The following TAF2 variants were observed in gnomAD, a reference collection of about 807,000 sequenced individuals.
The protein encoded by TAF2 is TATA-box binding protein associated factor 2.
Under a neutral mutation model 138.5 loss-of-function variants are expected in TAF2, and 61 were observed. That is an observed-to-expected ratio of 0.44 (90% CI 0.36 to 0.54). The LOEUF is 0.54. TAF2 is among the 20% of genes least tolerant of loss of function. TAF2 has a pLI of 0.00. For missense variants in TAF2, 1,090 were observed against 1,427.9 expected, an observed-to-expected ratio of 0.76 and a Z score of 3.81; for synonymous variants, 475 against 469.9, an observed-to-expected ratio of 1.01 and a Z score of -0.14.
chr8:119,794,953 G>C (rs1823715998), intron 9 of TAF2, among the ~76,000 whole-genome samples: 1 of 151,736 alleles, frequency 6.6e-6, no homozygotes, highest in Non-Finnish European at 1.5e-5. Context: ...CACTAAGCAT[G>C]ATATGATTAA....
In TAF2 at chr8:119,731,844, T is replaced by C. The variant is rs1284208107; in HGVS notation, c.*80A>G. 1.3e-5 allele frequency: 18 copies of C among 1,419,654 alleles called. No individual in the cohort carries two copies. Among genetic ancestry groups the C allele is most frequent in the Non-Finnish European group, 9.9e-7 (1 of 1,005,708 alleles). 87.9% of individuals were successfully genotyped at this position (1,419,654 alleles called of 1,614,324 possible). ...AGGCGAATCCTTTCCCCCCTCCCTT[T>C]TATAATTCTTCACAGAGGACAAAGC... On this transcript the variant is annotated 3_prime_UTR_variant, in exon 26 of 26. Transcript: ENST00000378164.
At chr8:119,759,463 T>C (rs2131051655) in intron 20 of TAF2, among the ~76,000 whole-genome samples, 1 of 152,252 alleles carries the variant, frequency 6.6e-6, no homozygotes, top group Non-Finnish European at 1.5e-5. Flanking sequence ...CAGATAAAAG[T>C]TTAGCATACT....
chr8:119,778,806 T>C (rs890780839), intron 17 of TAF2, among the ~76,000 whole-genome samples: 8 of 152,298 alleles, frequency 5.3e-5, no homozygotes, highest in African/African-American at 1.9e-4. Flanking sequence ...AAACATGACT[T>C]ACACACACTG....
intron 17 of TAF2, among the ~76,000 whole-genome samples, chr8:119,780,776 A>G (rs986797097): frequency 6.6e-6 from 1 of 152,226 alleles, no homozygotes. Context: ...TCTACTAAAA[A>G]TACAAAAAAT....
chr8:119,789,801 T>A (rs967492573), intron 11 of TAF2, 55 bp from the exon 12 acceptor site: 4 of 1,516,996 alleles, frequency 2.6e-6, no homozygotes, highest in Non-Finnish European at 3.6e-6. Flanking sequence ...TTCAATTATA[T>A]AGAATACTCA....
intron 25 of TAF2, among the ~76,000 whole-genome samples, chr8:119,741,224 G>A (rs575399628): frequency 2.7e-4 from 41 of 152,130 alleles, no homozygotes; most frequent in Non-Finnish European, 4.3e-4. Flanking sequence ...GTGCCACACC[G>A]CTAAGAAAAA....
At chr8:119,784,477 C>A (rs1458891663) in intron 15 of TAF2, among the ~76,000 whole-genome samples, 1 of 152,016 alleles carries the variant, frequency 6.6e-6, no homozygotes, top group Admixed American at 6.5e-5. Context: ...CCAGCCTGGG[C>A]AACCAAGCAA....
intron 23 of TAF2, among the ~76,000 whole-genome samples, chr8:119,746,495 G>A (rs1002192722): frequency 3.1e-4 from 47 of 151,818 alleles, no homozygotes; most frequent in Admixed American, 2.3e-3. Flanking sequence ...ACAGGACCGG[G>A]AGCACATCAT....
intron 21 of TAF2, among the ~76,000 whole-genome samples, chr8:119,756,889 G>A (rs1433280653): frequency 2.6e-5 from 4 of 152,234 alleles, no homozygotes; most frequent in South Asian, 4.1e-4. Flanking sequence ...GGAGAAGTAA[G>A]AAGAAACCTA....
chr8:119,826,597 T>G (rs1826115584), intron 2 of TAF2, among the ~76,000 whole-genome samples: 1 of 147,496 alleles, frequency 6.8e-6, no homozygotes, highest in African/African-American at 2.5e-5. Flanking sequence ...ATTTCCTCCT[T>G]TTTTTTTTTT....
chr8:119,792,443 G>A (rs1823504374), intron 10 of TAF2, among the ~76,000 whole-genome samples: 1 of 152,032 alleles, frequency 6.6e-6, no homozygotes, highest in African/African-American at 2.4e-5. Flanking sequence ...GAGCCCCCGC[G>A]CTGGGCCAGA....
intron 25 of TAF2, among the ~76,000 whole-genome samples, chr8:119,734,083 G>A (rs1314736552): frequency 2.0e-5 from 3 of 152,066 alleles, no homozygotes; most frequent in Non-Finnish European, 4.4e-5. Context: ...AAATGCACAA[G>A]ACACCCCTAT....
At chr8:119,820,488 A>C (rs1825745784) in intron 2 of TAF2, among the ~76,000 whole-genome samples, 1 of 152,230 alleles carries the variant, frequency 6.6e-6, no homozygotes, top group Admixed American at 6.5e-5. Context: ...GTACTACTTT[A>C]TACTTTCTAC....
intron 2 of TAF2, among the ~76,000 whole-genome samples, 181 bp from the exon 3 acceptor site, chr8:119,819,687 GGT>G (rs1274392359): frequency 6.6e-6 from 1 of 152,002 alleles, no homozygotes; most frequent in Non-Finnish European, 1.5e-5. Flanking sequence ...TGACTGAATG[GGT>G]GTGAGTTATG....
chr8:119,789,449 C>A, intron 12 of TAF2, 143 bp downstream of exon 12: 4 of 992,982 alleles, frequency 4.0e-6, no homozygotes, highest in Non-Finnish European at 6.2e-6. Context: ...ATTCACAGTT[C>A]ATCATTATTT....
intron 22 of TAF2, among the ~76,000 whole-genome samples, chr8:119,747,841 C>T (rs1027446639): frequency 8.5e-5 from 13 of 152,068 alleles, no homozygotes; most frequent in Non-Finnish European, 1.5e-4. Context: ...AAAAAAACCC[C>T]GGCTAGGCAT....
chr8:119,789,008 T>G, intron 12 of TAF2, 104 bp from the exon 13 acceptor site: 1 of 798,752 alleles, frequency 1.3e-6, no homozygotes, highest in Non-Finnish European at 2.2e-6. Context: ...TTCCCACCAG[T>G]TCAAAGTTTG....
At chr8:119,775,238 G>A (rs1822140816) in intron 18 of TAF2, among the ~76,000 whole-genome samples, 1 of 138,986 alleles carries the variant, frequency 7.2e-6, no homozygotes, top group African/African-American at 2.7e-5. Flanking sequence ...CTGGAATTGT[G>A]CCACTGCACT....
intron 3 of TAF2, among the ~76,000 whole-genome samples, chr8:119,814,695 C>G (rs145640147): frequency 0.017 from 2,276 of 136,778 alleles, 61 homozygotes; most frequent in African/African-American, 0.062. Context: ...AGTTCGAGAC[C>G]AGCTGGGCCA....
Sources: gnomAD v4.1 joint callset for allele counts (sites outside exome capture counted in the v4.1 genomes callset) on GRCh38, gnomAD v4.1.1 for gene constraint, MANE v1.5 for transcripts, NCBI Gene and HGNC (gene_info 2026-07-23, HGNC 2026-07-21) for gene names.